Variants in ERBIN observed in about 807,000 individuals in gnomAD.
ERBIN encodes the protein erbb2 interacting protein.
In ERBIN, 60 loss-of-function variants were observed where a neutral mutation model predicts 158.4. The observed-to-expected ratio is 0.38, with a 90% CI of 0.31 to 0.47. ERBIN has a LOEUF of 0.47. Among genes scored for constraint, ERBIN ranks in the 20% least tolerant of loss-of-function variants. The probability of loss-of-function intolerance (pLI) is 0.99; values close to 1 mark genes in which losing one functional copy is unlikely to be tolerated. For synonymous variants in ERBIN, 594 were observed against 557.2 expected, an observed-to-expected ratio of 1.07 and a Z score of -0.93; for missense variants, 1,610 against 1,648.0, an observed-to-expected ratio of 0.98 and a Z score of 0.40.
intron 1 of ERBIN, among the ~76,000 whole-genome samples, chr5:65,978,909 G>A (rs968270581): frequency 6.6e-6 from 1 of 152,162 alleles, no homozygotes; most frequent in African/African-American, 2.4e-5. Context: ...AACCAAAAAA[G>A]TATTTGGAAC....
chr5:66,008,254 C>T (rs369841589), intron 4 of ERBIN, among the ~76,000 whole-genome samples: 1 of 151,980 alleles, frequency 6.6e-6, no homozygotes, highest in Non-Finnish European at 1.5e-5. Flanking sequence ...ATATATAAAA[C>T]CCCTAATATA....
intron 21 of ERBIN, among the ~76,000 whole-genome samples, chr5:66,065,474 T>C (rs1237027401): frequency 1.3e-5 from 2 of 152,152 alleles, no homozygotes; most frequent in Admixed American, 1.3e-4. Flanking sequence ...TGTACCTAGA[T>C]TTTACCTTTG....
At chr5:65,994,674 G>A (rs928419993) in intron 3 of ERBIN, 73 bp from the exon 4 acceptor site, 8 of 805,506 alleles carry the variant, frequency 9.9e-6, no homozygotes, top group Non-Finnish European at 1.0e-5. Context: ...TAATATGGCT[G>A]ATAATAAAAG....
chr5:66,052,952 T>C (rs995151337), intron 20 of ERBIN, among the ~76,000 whole-genome samples: 6 of 152,190 alleles, frequency 3.9e-5, no homozygotes, highest in African/African-American at 1.4e-4. Context: ...GTTAATTTGG[T>C]TAATAATGTA....
intron 21 of ERBIN, among the ~76,000 whole-genome samples, chr5:66,062,095 TG>T (rs1760450633): frequency 6.6e-6 from 1 of 152,068 alleles, no homozygotes; most frequent in African/African-American, 2.4e-5. Context: ...TGGCTTGCCT[TG>T]CTAGATTTGG....
At chr5:66,029,890 T>G (rs898077654) in intron 14 of ERBIN, among the ~76,000 whole-genome samples, 6 of 152,128 alleles carry the variant, frequency 3.9e-5, no homozygotes, top group African/African-American at 1.4e-4. Flanking sequence ...ACACCCTGCC[T>G]TGGGGTCCTG....
chr5:66,074,605 T>C (rs1385908549), intron 22 of ERBIN, among the ~76,000 whole-genome samples: 2 of 152,200 alleles, frequency 1.3e-5, no homozygotes, highest in African/African-American at 2.4e-5. Context: ...TTTGTGTATG[T>C]GTGTTTGATT....
At chr5:66,040,184 G>C (rs1757792518) in intron 15 of ERBIN, among the ~76,000 whole-genome samples, 1 of 151,754 alleles carries the variant, frequency 6.6e-6, no homozygotes, top group Non-Finnish European at 1.5e-5. Flanking sequence ...ATCATTAGTT[G>C]CTTCTCACAA....
At chr5:65,976,823 A>C (rs1326306254) in intron 1 of ERBIN, among the ~76,000 whole-genome samples, 3 of 150,984 alleles carry the variant, frequency 2.0e-5, no homozygotes, top group Non-Finnish European at 4.4e-5. Flanking sequence ...CAGAGAGCAC[A>C]GGGTTGGGGG....
intron 1 of ERBIN, among the ~76,000 whole-genome samples, chr5:65,977,272 GGGGCGGCTGGCC>G (rs1176362294): frequency 6.6e-6 from 1 of 150,722 alleles, no homozygotes; most frequent in Non-Finnish European, 1.5e-5. Context: ...CCTCCCGGAT[GGGGCGGCTGGCC>G]GGGCGGGGGG....
intron 4 of ERBIN, among the ~76,000 whole-genome samples, chr5:65,995,918 ACTAT>A (rs1752383504): frequency 6.6e-6 from 1 of 152,132 alleles, no homozygotes; most frequent in Non-Finnish European, 1.5e-5. Context: ...TTTGTTGAGA[ACTAT>A]CTATTCAGGT....
In ERBIN at chr5:66,038,399, C is replaced by T. The variant is rs376950893; in HGVS notation, c.1223C>T (p.Pro408Leu). 3.3e-5 allele frequency: 53 copies of T among 1,611,008 alleles called. No homozygotes were observed. The highest frequency in any genetic ancestry group is 4.4e-5 in the Non-Finnish European group (52 of 1,178,118). ...LSDNQSKPLIPLQKETDSETQ... is the reference protein window; with the variant it reads ...LSDNQSKPLILLQKETDSETQ... ...CTTCTCTAGTCCAAACCCCTGATACCTCTTCAAAAAGAAACTGATTCAGAG... is the reference window on the plus strand; with the variant it reads ...CTTCTCTAGTCCAAACCCCTGATACTTCTTCAAAAAGAAACTGATTCAGAG... Residue 408 changes from proline to leucine, a missense_variant, in exon 15 of 26, where the codon CCT becomes CTT. Physicochemically the swap from Pro to Leu is moderately conservative, Grantham distance 98. Around this residue, in one of 2 missense-constraint regions of ERBIN, gnomAD observed 596 missense variants for 711.9 expected, o/e 0.84. Coordinates refer to ENST00000284037, the MANE Select transcript of ERBIN (RefSeq NM_001253697.2).
At chr5:66,018,071 C>T (rs1214945230) in intron 7 of ERBIN, among the ~76,000 whole-genome samples, 1 of 151,924 alleles carries the variant, frequency 6.6e-6, no homozygotes, top group Non-Finnish European at 1.5e-5. Context: ...GTTTTGATTA[C>T]TATGGCTTTG....
In ERBIN at chr5:65,992,716, A is replaced by C; in HGVS notation, c.-3A>C. ...TTTTATTCGAATATTGCAGTGTCTA[A>C]AAATGACTACAAAACGAAGTTTGTT... is the stretch of plus-strand genomic sequence containing the variant. On this transcript the variant is annotated 5_prime_UTR_variant, in exon 3 of 26. The change abolishes the stop of an existing upstream ORF in the 5' untranslated region. Transcript: ENST00000284037. 1.3e-6 allele frequency: 2 copies of C among 1,586,558 alleles called. No homozygotes were observed. The highest frequency in any genetic ancestry group is 8.5e-7 in the Non-Finnish European group (1 of 1,171,010).
chr5:65,970,862 C>T (rs1749170689), intron 1 of ERBIN, among the ~76,000 whole-genome samples: 1 of 152,164 alleles, frequency 6.6e-6, no homozygotes, highest in Non-Finnish European at 1.5e-5. Context: ...CAGGTGTGAG[C>T]CACTGGGCTG....
chr5:66,013,838 GA>G (rs909223257), intron 6 of ERBIN, among the ~76,000 whole-genome samples, 200 bp downstream of exon 6: 13 of 150,920 alleles, frequency 8.6e-5, no homozygotes, highest in African/African-American at 2.7e-4. Context: ...GAGTTTGAAA[GA>G]AAAAAAAAGT....
chr5:66,015,894 C>G (rs1414237073), intron 7 of ERBIN, among the ~76,000 whole-genome samples: 1 of 152,072 alleles, frequency 6.6e-6, no homozygotes, highest in Non-Finnish European at 1.5e-5. Flanking sequence ...TCCAGTTACC[C>G]CAGGAGTTGT....
intron 4 of ERBIN, among the ~76,000 whole-genome samples, chr5:66,006,829 A>G (rs932293891): frequency 2.6e-5 from 4 of 152,058 alleles, no homozygotes; most frequent in African/African-American, 7.3e-5. Context: ...GCAAATCAAA[A>G]CCACAATGAG....
rs185267756 is a variant in ERBIN, at chr5:66,074,147, C to T, written c.3757-877C>T. Among the ~76,000 whole-genome samples the T allele has an allele frequency of 3.3e-5, 5 of 150,044 alleles. No individual in the cohort carries two copies. The East Asian group carries it at 9.9e-4, about 30-fold the overall frequency. On this transcript the variant is annotated intron_variant, in intron 22 of 25. Transcript: ENST00000284037. ...TGAAGCAATCCTCCTGTATAGGCCT[C>T]CCAAAATGCTGGGATTATAGGCATG... is the stretch of plus-strand genomic sequence containing the variant.
Sources: allele counts gnomAD v4.1 joint callset (sites outside exome capture counted in the v4.1 genomes callset), GRCh38; gene constraint gnomAD v4.1.1; regional missense constraint gnomAD v4.1.1; transcripts MANE v1.5; gene names NCBI Gene and HGNC (gene_info 2026-07-23, HGNC 2026-07-21).